The following PLAC8 variants were observed in gnomAD, a reference collection of about 807,000 sequenced individuals.
The protein encoded by PLAC8 is placenta-specific gene 8 protein.
PLAC8 carries 6 observed loss-of-function variants against 12.6 expected under a neutral mutation model. The ratio of observed to expected loss-of-function variants is 0.48; its 90% CI spans 0.26 to 0.94. The LOEUF (loss-of-function observed/expected upper bound fraction) is 0.94, where lower values mean the gene tolerates loss of function less well. PLAC8 is among the 40% of genes least tolerant of loss of function. PLAC8 has a pLI of 0.14. For synonymous variants in PLAC8, 54 were observed against 52.6 expected (o/e 1.03, Z -0.11); for missense variants, 122 against 152.7 (o/e 0.80, Z 1.06).
chr4:83,096,355 C>G (rs1731925501), intron 3 of PLAC8, among the ~76,000 whole-genome samples: 1 of 152,194 alleles, frequency 6.6e-6, no homozygotes, highest in Admixed American at 6.5e-5. Context: ...CTGCACCTAG[C>G]TGAAACTATT....
intron 1 of PLAC8, among the ~76,000 whole-genome samples, chr4:83,108,746 A>G (rs1378912865): frequency 2.0e-5 from 3 of 152,174 alleles, no homozygotes; most frequent in African/African-American, 7.2e-5. Context: ...CAAACGAGCA[A>G]CCTGTGATCA....
intron 2 of PLAC8, among the ~76,000 whole-genome samples, chr4:83,105,995 T>TTTTTA: frequency 1.3e-5 from 2 of 152,098 alleles, no homozygotes; most frequent in South Asian, 4.1e-4. Context: ...TCTTTTTTTA[T>TTTTTA]TTTTATTTTA....
At chr4:83,105,067 C>A in intron 2 of PLAC8, 47 bp from the exon 3 acceptor site, 1 of 1,611,124 alleles carries the variant, frequency 6.2e-7, no homozygotes, top group Non-Finnish European at 8.5e-7. Context: ...TCTGCCCCTG[C>A]CACAGCTGAA....
At chr4:83,109,545 T>C (rs1374699170) in intron 1 of PLAC8, among the ~76,000 whole-genome samples, 1 of 152,082 alleles carries the variant, frequency 6.6e-6, no homozygotes, top group Non-Finnish European at 1.5e-5. Flanking sequence ...GGAGCCCCTG[T>C]TGAGGGGCAG....
At chr4:83,091,125 TA>T (rs1377495876) in intron 4 of PLAC8, among the ~76,000 whole-genome samples, 154 bp from the exon 5 acceptor site, 1 of 152,206 alleles carries the variant, frequency 6.6e-6, no homozygotes, top group African/African-American at 2.4e-5. Flanking sequence ...TCCTGTTGGT[TA>T]ACATCTTACA....
chr4:83,100,908 T>C (rs1732082169), intron 3 of PLAC8, among the ~76,000 whole-genome samples: 1 of 152,192 alleles, frequency 6.6e-6, no homozygotes, highest in Non-Finnish European at 1.5e-5. Context: ...AAATTAAACA[T>C]GCTACTCCGG....
intron 3 of PLAC8, among the ~76,000 whole-genome samples, chr4:83,096,400 G>C (rs537841218): frequency 1.4e-4 from 4 of 29,010 alleles, no homozygotes; most frequent in South Asian, 1.1e-3. Flanking sequence ...ATCATTTTGT[G>C]AATTACAAAA....
At chr4:83,111,664 A>T (rs1318069652) in intron 1 of PLAC8, among the ~76,000 whole-genome samples, 1 of 152,218 alleles carries the variant, frequency 6.6e-6, no homozygotes, top group Non-Finnish European at 1.5e-5. Flanking sequence ...TATTTTTTCA[A>T]GAAGCCTATA....
rs17006480 is a variant in PLAC8 at position 83,095,860 on chromosome 4, A to G, written c.244-1069T>C. Among the ~76,000 whole-genome samples, 1,508 of 152,334 alleles carry G rather than the reference A, an allele frequency of 9.9e-3. 25 individuals are homozygous for G. Among genetic ancestry groups the G allele is most frequent in the African/African-American group, 0.034 (1,410 of 41,578 alleles). ...AATAAAAAAATTAAAGCTGCATTAG[A>G]AAACAGTGGCATTTACATTCCTGGC... On this transcript the variant is annotated intron_variant, in intron 3 of 4. Coordinates refer to ENST00000311507, the MANE Select transcript of PLAC8 (RefSeq NM_016619.3).
intron 3 of PLAC8, among the ~76,000 whole-genome samples, chr4:83,097,944 C>T (rs529728653): frequency 2.6e-5 from 4 of 151,410 alleles, no homozygotes; most frequent in South Asian, 4.2e-4. Flanking sequence ...CCGCAACCTC[C>T]GCCTCCCGGG....
chr4:83,103,547 T>A (rs1195655502), intron 3 of PLAC8, among the ~76,000 whole-genome samples: 1 of 152,218 alleles, frequency 6.6e-6, no homozygotes, highest in African/African-American at 2.4e-5. Context: ...GAGGACTGAA[T>A]CCAATTTTGA....
At chr4:83,101,186 T>C (rs1364846415) in intron 3 of PLAC8, among the ~76,000 whole-genome samples, 1 of 152,188 alleles carries the variant, frequency 6.6e-6, no homozygotes, top group Non-Finnish European at 1.5e-5. Flanking sequence ...GAGACCATCC[T>C]GACCAACATG....
chr4:83,096,868 A>C (rs1368132383), intron 3 of PLAC8, among the ~76,000 whole-genome samples: 2 of 152,166 alleles, frequency 1.3e-5, no homozygotes, highest in Non-Finnish European at 2.9e-5. Flanking sequence ...ACCATCCAAC[A>C]TCCTCACCCC....
intron 1 of PLAC8, among the ~76,000 whole-genome samples, chr4:83,113,972 A>C (rs1732478414): frequency 6.6e-6 from 1 of 150,530 alleles, no homozygotes; most frequent in African/African-American, 2.4e-5. Flanking sequence ...CATGATATTA[A>C]TTATAGTAAT....
chr4:83,103,706 T>C (rs1273171394), intron 3 of PLAC8, among the ~76,000 whole-genome samples: 1 of 152,212 alleles, frequency 6.6e-6, no homozygotes, highest in African/African-American at 2.4e-5. Context: ...AGTCTTGCTC[T>C]GTTGTCCAGG....
At chr4:83,113,856 T>C (rs1335757044) in intron 1 of PLAC8, among the ~76,000 whole-genome samples, 1 of 152,122 alleles carries the variant, frequency 6.6e-6, no homozygotes, top group Non-Finnish European at 1.5e-5. Flanking sequence ...CTTAATTTTA[T>C]CTATTAGTTA....
chr4:83,102,786 G>A (rs1732134888), intron 3 of PLAC8, among the ~76,000 whole-genome samples: 1 of 152,160 alleles, frequency 6.6e-6, no homozygotes, highest in Non-Finnish European at 1.5e-5. Flanking sequence ...TTATGGATGA[G>A]CAAAGAAAGC....
At chr4:83,107,511 C>T (rs1732280008) in intron 2 of PLAC8, among the ~76,000 whole-genome samples, 1 of 148,040 alleles carries the variant, frequency 6.8e-6, no homozygotes. Flanking sequence ...CAGACCTGCT[C>T]GTTGTTAGAA....
intron 1 of PLAC8, among the ~76,000 whole-genome samples, chr4:83,108,327 T>A (rs964971413): frequency 8.5e-5 from 13 of 152,080 alleles, no homozygotes; most frequent in Admixed American, 2.0e-4. Flanking sequence ...GCGCGGTGAC[T>A]CAGGTCTGTA....
Sources: gnomAD v4.1 joint callset for allele counts (sites outside exome capture counted in the v4.1 genomes callset) on GRCh38, gnomAD v4.1.1 for gene constraint, MANE v1.5 for transcripts, NCBI Gene and HGNC (gene_info 2026-07-23, HGNC 2026-07-21) for gene names.